The following PTDSS1 variants were observed in gnomAD, a reference collection of about 807,000 sequenced individuals.
PTDSS1 encodes PSS-1.
In PTDSS1, 45 loss-of-function variants were observed where a neutral mutation model predicts 70.5. The ratio of observed to expected loss-of-function variants is 0.64; its 90% CI spans 0.50 to 0.82. The LOEUF is 0.82. Ranked by LOEUF, PTDSS1 falls within the 40% of genes least tolerant of loss-of-function variation. PTDSS1 has a pLI of 0.00. For missense variants in PTDSS1, 417 were observed against 586.1 expected, an observed-to-expected ratio of 0.71 and a Z score of 2.98; for synonymous variants, 188 against 203.8, an observed-to-expected ratio of 0.92 and a Z score of 0.66.
In PTDSS1 at chr8:96,320,259, C is replaced by T; in HGVS notation, c.1087C>T (p.Leu363=). The change falls in exon 10 of 13, where the codon CTG becomes TTG. Residue 363 remains leucine (L), a synonymous_variant. Coordinates refer to ENST00000517309, the MANE Select transcript of PTDSS1 (RefSeq NM_014754.3). ...QCWVFGVIGF[L]EAIVCIKFGQ... ...CTGTCTAATTAGGGTCATTGGTTTC[C>T]TGGAGGCCATTGTTTGCATAAAATT... 6.2e-7 allele frequency: 1 copy of T among 1,608,252 alleles called. No individual in the cohort carries two copies. The highest frequency in any genetic ancestry group is 1.7e-4 in the Middle Eastern group (1 of 6,050).
rs10529330 is a variant in PTDSS1 at position 96,317,878 on chromosome 8, AGTGTGTGTGTGTGTGT to A, written c.1074-2341_1074-2326del. Among the ~76,000 whole-genome samples, 137 of 139,966 alleles carry A rather than the reference AGTGTGTGTGTGTGTGT, an allele frequency of 9.8e-4. 2 individuals are homozygous for A. Among genetic ancestry groups the A allele is most frequent in the African/African-American group, 3.3e-3 (132 of 40,052 alleles). 91.8% of individuals were successfully genotyped at this position (139,966 alleles called of 152,430 possible). ...AATTGTCTTATGAAGCTTTTGTTTC[AGTGTGTGTGTGTGTGT>A]GTGTGTGTGTGTGTGTGTGTGTGTG... On this transcript the variant is annotated intron_variant, in intron 9 of 12. Coordinates refer to ENST00000517309, the MANE Select transcript of PTDSS1 (RefSeq NM_014754.3).
rs867063225 is a variant in PTDSS1, at chr8:96,272,158, T to C, written c.180-1141T>C. 3.3e-5 allele frequency among the ~76,000 whole-genome samples: 5 copies of C among 152,278 alleles called. No individual in the cohort carries two copies. The South Asian group carries it at 1.0e-3, about 32-fold the overall frequency. ...TCTTGATATGAGTTATAAATTTTTT[T>C]CCCCCAAGTTTACCTCTTTTCCTTC... On this transcript the variant is annotated intron_variant, in intron 1 of 12. Transcript: ENST00000517309.
chr8:96,290,865 TATAA>T (rs1225931002), intron 4 of PTDSS1, among the ~76,000 whole-genome samples: 22 of 146,042 alleles, frequency 1.5e-4, no homozygotes, highest in African/African-American at 5.4e-4. Flanking sequence ...TATTATATAA[TATAA>T]ATATTCATAA....
intron 6 of PTDSS1, among the ~76,000 whole-genome samples, chr8:96,301,120 C>T (rs1811043732): frequency 1.3e-5 from 2 of 152,102 alleles, no homozygotes. Context: ...TCCATTTTGT[C>T]ACCCCCTTTT....
intron 2 of PTDSS1, among the ~76,000 whole-genome samples, chr8:96,281,888 G>C (rs1402297479): frequency 1.3e-5 from 2 of 152,180 alleles, no homozygotes; most frequent in Non-Finnish European, 1.5e-5. Flanking sequence ...TGGGAGTAAT[G>C]ATGACACCTT....
At chr8:96,326,796 G>A (rs1465085933) in intron 10 of PTDSS1, among the ~76,000 whole-genome samples, 1 of 152,210 alleles carries the variant, frequency 6.6e-6, no homozygotes, top group East Asian at 1.9e-4. Flanking sequence ...GGGTTGGGGG[G>A]AAGAAGTACA....
chr8:96,331,098 ATCTTGT>A lies in PTDSS1; in HGVS notation c.1312+12_1312+17del, dbSNP rs3830537. The A allele has an allele frequency of 0.39, 619,991 of 1,595,832 alleles. 125,996 individuals are homozygous for A. The highest frequency in any genetic ancestry group is 0.42 in the Non-Finnish European group (485,834 of 1,163,548). The stretch of plus-strand genomic sequence containing the variant: ...GCATCACAGGAAAGGGACAAAAGGT[ATCTTGT>A]TCTTGTTCGTTGTTTAAAATTTTAC... On this transcript the variant is annotated splice_donor_5th_base_variant and intron_variant, in intron 12 of 12. Coordinates refer to ENST00000517309, the MANE Select transcript of PTDSS1 (RefSeq NM_014754.3).
At chr8:96,332,723 G>A (rs1268025722) in intron 12 of PTDSS1, among the ~76,000 whole-genome samples, 1 of 152,244 alleles carries the variant, frequency 6.6e-6, no homozygotes, top group Non-Finnish European at 1.5e-5. Flanking sequence ...TCTTCTGAGT[G>A]GGGAAAGAAT....
At chr8:96,281,882 A>G (rs1260568689) in intron 2 of PTDSS1, among the ~76,000 whole-genome samples, 1 of 152,176 alleles carries the variant, frequency 6.6e-6, no homozygotes, top group Admixed American at 6.5e-5. Flanking sequence ...GTAAAGTGGG[A>G]GTAATGATGA....
chr8:96,330,081 G>A (rs925472366), intron 10 of PTDSS1, 132 bp from the exon 11 acceptor site: 34 of 807,574 alleles, frequency 4.2e-5, no homozygotes, highest in East Asian at 2.9e-4. Flanking sequence ...TCTCTGCCAC[G>A]TCCAGCCGTT....
chr8:96,310,693 T>C (rs1481317115), intron 9 of PTDSS1, among the ~76,000 whole-genome samples: 1 of 152,132 alleles, frequency 6.6e-6, no homozygotes. Context: ...TACTGAAGTA[T>C]AATTTTATTG....
At chr8:96,319,458 T>C (rs945586735) in intron 9 of PTDSS1, among the ~76,000 whole-genome samples, 1 of 151,582 alleles carries the variant, frequency 6.6e-6, no homozygotes, top group African/African-American at 2.4e-5. Context: ...TGACTTTTTT[T>C]AATGTTTTAA....
intron 11 of PTDSS1, chr8:96,330,592 TC>T: frequency 2.4e-6 from 1 of 423,742 alleles, no homozygotes; most frequent in South Asian, 2.5e-5. Context: ...CTGGGTTTTC[TC>T]CCCAGCTCTT....
intron 5 of PTDSS1, among the ~76,000 whole-genome samples, chr8:96,296,132 C>CTTTTT (rs34559310): frequency 1.8e-5 from 1 of 54,270 alleles, no homozygotes; most frequent in Non-Finnish European, 3.5e-5. Context: ...TCATGGTGTT[C>CTTTTT]TTTTTTTTTT....
At chr8:96,291,138 A>G (rs1810896992) in intron 4 of PTDSS1, among the ~76,000 whole-genome samples, 1 of 152,046 alleles carries the variant, frequency 6.6e-6, no homozygotes, top group Admixed American at 6.6e-5. Flanking sequence ...ATAAGACACC[A>G]TCCCATGCTG....
At chr8:96,318,264 C>T (rs1811323849) in intron 9 of PTDSS1, among the ~76,000 whole-genome samples, 1 of 151,692 alleles carries the variant, frequency 6.6e-6, no homozygotes, top group South Asian at 2.1e-4. Flanking sequence ...GCGGAGGTTG[C>T]AGTGAGCCGC....
chr8:96,295,315 G>A, intron 5 of PTDSS1, 59 bp downstream of exon 5: 1 of 1,486,320 alleles, frequency 6.7e-7, no homozygotes, highest in Non-Finnish European at 9.0e-7. Flanking sequence ...TTTATATATA[G>A]GAAAAAGTAT....
intron 6 of PTDSS1, among the ~76,000 whole-genome samples, chr8:96,301,033 A>G (rs962376139): frequency 6.6e-6 from 1 of 152,178 alleles, no homozygotes; most frequent in African/African-American, 2.4e-5. Context: ...ATCAATTTCT[A>G]TTGGATTTAC....
In PTDSS1 at chr8:96,335,290, T is replaced by C. The variant is rs1811579383; in HGVS notation, c.*1724T>C. The C allele has an allele frequency of 6.6e-6, 1 of 152,254 alleles. No homozygotes were observed. Among genetic ancestry groups the C allele is most frequent in the African/African-American group, 2.4e-5 (1 of 41,476 alleles). 9.4% of individuals were successfully genotyped at this position (152,254 alleles called of 1,614,324 possible). On this transcript the variant is annotated 3_prime_UTR_variant, in exon 13 of 13. Transcript: ENST00000517309. ...AAACACAGGTACAATTTAAACATGA[T>C]CTTTCTTTGCAAATAAATATGTTTT... is the stretch of plus-strand genomic sequence containing the variant.
Sources: gnomAD v4.1 joint callset for allele counts (sites outside exome capture counted in the v4.1 genomes callset) on GRCh38, gnomAD v4.1.1 for gene constraint, MANE v1.5 for transcripts, NCBI Gene and HGNC (gene_info 2026-07-23, HGNC 2026-07-21) for gene names.